UNC5B: variants seen among roughly 807,000 people sequenced by gnomAD.
UNC5B encodes unc-5 netrin receptor B, also known as netrin receptor UNC5B.
UNC5B carries 56 observed loss-of-function variants against 103.7 expected under a neutral mutation model. The observed-to-expected ratio is 0.54, with a 90% confidence interval of 0.44 to 0.67. The LOEUF (loss-of-function observed/expected upper bound fraction) is 0.67, where lower values mean the gene tolerates loss of function less well. UNC5B is among the 30% of genes least tolerant of loss of function. The pLI is 0.00. For missense variants in UNC5B, 1,194 were observed against 1,284.5 expected, an observed-to-expected ratio of 0.93 and a Z score of 1.08; for synonymous variants, 577 against 542.0, an observed-to-expected ratio of 1.06 and a Z score of -0.90.
chr10:71,296,583 C>A lies in UNC5B; in HGVS notation c.2331C>A (p.Ile777=), dbSNP rs1845419158. 4.3e-6 allele frequency: 7 copies of A among 1,613,722 alleles called. No individual in the cohort carries two copies. Among genetic ancestry groups the A allele is most frequent in the Non-Finnish European group, 5.9e-6 (7 of 1,179,982 alleles). The change falls in exon 15 of 17, where the codon ATC becomes ATA. Residue 777 remains isoleucine (I), a synonymous_variant. Transcript: ENST00000335350. ...CTGACCCCCTCCTCCTGCAGGAGAT[C>A]CCCTTCTATCACATTTGGAGTGGCA... ...RSKLLAKYQE[I]PFYHIWSGSQ...
intron 1 of UNC5B, among the ~76,000 whole-genome samples, chr10:71,241,654 C>T (rs538091089): frequency 1.6e-4 from 24 of 152,110 alleles, no homozygotes; most frequent in Non-Finnish European, 3.2e-4. Flanking sequence ...CGACAGAAGG[C>T]CCGTCTTCTC....
rs143188286 is a variant in UNC5B, at chr10:71,287,011, A to G, written c.733+142A>G. The G allele has an allele frequency of 3.5e-3, 4,260 of 1,215,224 alleles. 7 individuals carry two copies. Among genetic ancestry groups the G allele is most frequent in the Non-Finnish European group, 4.5e-3 (3,967 of 888,138 alleles). The allele number at this position is 1,215,224 out of a possible 1,614,324, so 75.3% of individuals were successfully genotyped here. A position where few individuals can be genotyped will look rare whatever the true frequency, so the allele number is the denominator to read the frequency against. ...ATTGACCAAGATCACAACACAGCAG[A>G]ATTCATGGCCAAGTTGGGCATTCCT... On this transcript the variant is annotated intron_variant, in intron 5 of 16. Transcript: ENST00000335350.
chr10:71,290,892 A>C, intron 8 of UNC5B, 23 bp from the exon 9 acceptor site: 1 of 1,599,414 alleles, frequency 6.3e-7, no homozygotes. Flanking sequence ...GCTGCCCCTT[A>C]TGTGGTCCTC....
chr10:71,227,711 C>CACAT (rs1843602436), intron 1 of UNC5B, among the ~76,000 whole-genome samples: 135 of 75,912 alleles, frequency 1.8e-3, no homozygotes, highest in African/African-American at 4.6e-3. Context: ...CACATATACA[C>CACAT]ACACACACAC....
chr10:71,214,609 T>C (rs1843296003), intron 1 of UNC5B, among the ~76,000 whole-genome samples: 1 of 152,088 alleles, frequency 6.6e-6, no homozygotes. Flanking sequence ...GTGAAGTCTC[T>C]GTAAATGGCA....
chr10:71,274,654 G>A (rs1212001062), intron 1 of UNC5B, among the ~76,000 whole-genome samples: 2 of 152,120 alleles, frequency 1.3e-5, no homozygotes, highest in Non-Finnish European at 2.9e-5. Context: ...GCAGGTAAAG[G>A]CAAATTAGAG....
At position 71,228,951 on chromosome 10, in the gene UNC5B, A is replaced by G. The variant is rs184001505; in HGVS notation, c.79+15887A>G. On this transcript the variant is annotated intron_variant, in intron 1 of 16. Transcript: ENST00000335350. ...GGACTCCAGATTCGGTGCTCCTTCC[A>G]TGAGCCCACCCTACACCCACTCCCC... Among the ~76,000 whole-genome samples, 28 of 152,256 alleles carry G rather than the reference A, an allele frequency of 1.8e-4. 1 individual carries two copies. Among genetic ancestry groups the G allele is most frequent in the African/African-American group, 6.7e-4 (28 of 41,544 alleles).
intron 1 of UNC5B, among the ~76,000 whole-genome samples, chr10:71,270,840 A>G (rs1454433895): frequency 6.6e-6 from 1 of 152,136 alleles, no homozygotes; most frequent in Non-Finnish European, 1.5e-5. Flanking sequence ...GTGACCTATA[A>G]AATAGCAGGT....
chr10:71,277,958 C>A (rs1037017479), intron 1 of UNC5B, among the ~76,000 whole-genome samples: 9 of 152,214 alleles, frequency 5.9e-5, no homozygotes, highest in Non-Finnish European at 1.3e-4. Context: ...GACACCTACA[C>A]CATTACAGAG....
Position 71,223,623 on chromosome 10 carries a change from A to G in UNC5B, c.79+10559A>G, listed in dbSNP as rs147908642. ...GTGCCCTGGGCCCCTTTACATAGAG[A>G]AAGTAGACTGGCAGACACTTGCTGG... On this transcript the variant is annotated intron_variant, in intron 1 of 16. Coordinates refer to ENST00000335350, the MANE Select transcript of UNC5B (RefSeq NM_170744.5). Among the ~76,000 whole-genome samples, 35 of 152,176 alleles carry G rather than the reference A, an allele frequency of 2.3e-4. No homozygotes were observed. The East Asian group carries it at 6.8e-3, about 29-fold the overall frequency.
rs540604985 is a variant in UNC5B, at chr10:71,299,292, C to G, written c.*15C>G. The G allele has an allele frequency of 1.2e-6, 2 of 1,612,956 alleles. No homozygotes were observed. The highest frequency in any genetic ancestry group is 8.5e-7 in the Non-Finnish European group (1 of 1,179,722). On this transcript the variant is annotated 3_prime_UTR_variant, in exon 17 of 17. Transcript: ENST00000335350. ...GGGACTGCTGAGCCTCCTGGGACAG[C>G]GGGCTGGCAGGGACTGGCAGGAGGC...
rs145424239 is a variant in UNC5B, at chr10:71,287,616, G to T, written c.752G>T (p.Ser251Ile). ...CTTGCAGTGAATGGCGGCTGGTCCA[G>T]CTGGGCAGAGTGGTCACCCTGCTCC... ...VIVYVNGGWS[S>I]WAEWSPCSNR... is the part of the protein sequence containing the mutation. The change falls in exon 6 of 17, where the codon AGC becomes ATC. Residue 251 changes from serine (S) to isoleucine (I), a missense_variant. Ser to Ile is a moderately radical substitution (Grantham distance 142). Coordinates refer to ENST00000335350, the MANE Select transcript of UNC5B (RefSeq NM_170744.5). The T allele has an allele frequency of 6.2e-7, 1 of 1,601,958 alleles. No individual in the cohort carries two copies. Among genetic ancestry groups the T allele is most frequent in the Admixed American group, 1.7e-5 (1 of 57,964 alleles).
intron 1 of UNC5B, chr10:71,217,621 C>G (rs1315026932): frequency 1.3e-5 from 2 of 152,304 alleles, no homozygotes; most frequent in East Asian, 3.9e-4. Flanking sequence ...GCGTTCCTCC[C>G]GGTCTTCGGG....
intron 1 of UNC5B, among the ~76,000 whole-genome samples, chr10:71,214,274 A>T (rs371085680): frequency 6.6e-6 from 1 of 151,070 alleles, no homozygotes; most frequent in Non-Finnish European, 1.5e-5. Flanking sequence ...ATAGCCAAAG[A>T]TTCCTCATTC....
chr10:71,240,123 C>T (rs1476823937), intron 1 of UNC5B, among the ~76,000 whole-genome samples: 1 of 152,206 alleles, frequency 6.6e-6, no homozygotes, highest in Non-Finnish European at 1.5e-5. Context: ...CTCAGAAGCC[C>T]TGCTGCAGGA....
intron 1 of UNC5B, among the ~76,000 whole-genome samples, chr10:71,275,530 A>G (rs1477737071): frequency 1.3e-5 from 2 of 152,174 alleles, no homozygotes; most frequent in Non-Finnish European, 2.9e-5. Flanking sequence ...CACATAGTAG[A>G]CCTAAATGCC....
intron 13 of UNC5B, among the ~76,000 whole-genome samples, chr10:71,295,043 C>T (rs1326171061): frequency 6.6e-6 from 1 of 152,196 alleles, no homozygotes; most frequent in Non-Finnish European, 1.5e-5. Flanking sequence ...TGTTCCTGCT[C>T]CCTGGCCCCG....
At chr10:71,229,754 C>G (rs1456625241) in intron 1 of UNC5B, among the ~76,000 whole-genome samples, 1 of 152,178 alleles carries the variant, frequency 6.6e-6, no homozygotes, top group Non-Finnish European at 1.5e-5. Context: ...GCGTGTAGTT[C>G]TCAGAGCTTC....
intron 2 of UNC5B, 105 bp from the exon 3 acceptor site, chr10:71,284,615 T>C: frequency 6.6e-7 from 1 of 1,525,416 alleles, no homozygotes; most frequent in Non-Finnish European, 8.8e-7. Context: ...GAAAGGCACT[T>C]GGGCAAGAGT....
Sources: allele counts gnomAD v4.1 joint callset (sites outside exome capture counted in the v4.1 genomes callset), GRCh38; gene constraint gnomAD v4.1.1; transcripts MANE v1.5; gene names NCBI Gene and HGNC (gene_info 2026-07-23, HGNC 2026-07-21).